Variants in ADCY5 observed in about 807,000 individuals in gnomAD.
ADCY5 encodes adenylate cyclase type 5.
A neutral mutation model predicts 119.7 loss-of-function variants in ADCY5; 30 were observed. That is an observed-to-expected ratio of 0.25 (90% CI 0.19 to 0.34). ADCY5 has a LOEUF of 0.34. Among genes scored for constraint, ADCY5 ranks in the 10% least tolerant of loss-of-function variants. The pLI, the probability that ADCY5 is intolerant of heterozygous loss-of-function variation, is 1.00. For synonymous variants in ADCY5, 753 were observed against 762.2 expected (o/e 0.99, Z 0.20); for missense variants, 1,324 against 1,775.2 (o/e 0.75, Z 4.57).
At chr3:123,364,935 C>CTTTT (rs376085783) in intron 1 of ADCY5, among the ~76,000 whole-genome samples, 1 of 137,146 alleles carries the variant, frequency 7.3e-6, no homozygotes, top group Non-Finnish European at 1.6e-5. Flanking sequence ...GTGTTTTTCA[C>CTTTT]TTTTTTTTTT....
At chr3:123,366,510 GC>G (rs1196118617) in intron 1 of ADCY5, among the ~76,000 whole-genome samples, 1 of 152,234 alleles carries the variant, frequency 6.6e-6, no homozygotes, top group Non-Finnish European at 1.5e-5. Context: ...GGGAAGGGGG[GC>G]TGGAGGTGAG....
intron 14 of ADCY5, 145 bp downstream of exon 14, chr3:123,302,910 T>A (rs1939926611): frequency 1.1e-6 from 1 of 900,290 alleles, no homozygotes; most frequent in African/African-American, 1.7e-5. Flanking sequence ...CATGTAGGAG[T>A]GAGAGATACT....
intron 3 of ADCY5, among the ~76,000 whole-genome samples, chr3:123,344,205 G>T (rs1942419768): frequency 6.6e-6 from 1 of 152,178 alleles, no homozygotes; most frequent in African/African-American, 2.4e-5. Flanking sequence ...CTGTGGAGTT[G>T]ATTTATTTTT....
At chr3:123,343,713 G>A (rs1052185572) in intron 3 of ADCY5, among the ~76,000 whole-genome samples, 1 of 152,264 alleles carries the variant, frequency 6.6e-6, no homozygotes, top group South Asian at 2.1e-4. Context: ...CCAGGTGTGG[G>A]GAGGGCACAG....
chr3:123,414,281 G>A (rs1041424841), intron 1 of ADCY5, among the ~76,000 whole-genome samples: 45 of 152,162 alleles, frequency 3.0e-4, no homozygotes, highest in African/African-American at 1.1e-3. Flanking sequence ...CCACACCCAC[G>A]CCCCACCTGC....
intron 13 of ADCY5, among the ~76,000 whole-genome samples, chr3:123,303,578 G>A (rs149394204): frequency 6.6e-5 from 10 of 152,108 alleles, no homozygotes; most frequent in African/African-American, 2.4e-4. Flanking sequence ...TTGAGAGGCC[G>A]AGGCCCGCGG....
intron 3 of ADCY5, among the ~76,000 whole-genome samples, chr3:123,339,516 G>T (rs1479815558): frequency 1.3e-5 from 2 of 152,192 alleles, no homozygotes; most frequent in African/African-American, 4.8e-5. Context: ...GAGCCTGCTG[G>T]ACACAGAATG....
At chr3:123,315,580 G>A (rs928170025) in intron 11 of ADCY5, among the ~76,000 whole-genome samples, 13 of 152,066 alleles carry the variant, frequency 8.5e-5, no homozygotes, top group Non-Finnish European at 1.8e-4. Context: ...AAACCAGATT[G>A]CTCTTTTTTT....
At chr3:123,324,179 C>G (rs919487661) in intron 8 of ADCY5, among the ~76,000 whole-genome samples, 2 of 152,134 alleles carry the variant, frequency 1.3e-5, no homozygotes, top group Non-Finnish European at 1.5e-5. Flanking sequence ...TTTCCTTAAG[C>G]TCGTATCATC....
chr3:123,309,189 C>T (rs990176604), intron 12 of ADCY5, among the ~76,000 whole-genome samples: 5 of 152,122 alleles, frequency 3.3e-5, no homozygotes, highest in Non-Finnish European at 7.4e-5. Flanking sequence ...GTCTGTGATG[C>T]GGGGCCAGGG....
intron 1 of ADCY5, among the ~76,000 whole-genome samples, chr3:123,413,244 G>A (rs1042834441): frequency 5.3e-5 from 8 of 152,204 alleles, no homozygotes; most frequent in Admixed American, 2.0e-4. Context: ...GGAGCTGAGC[G>A]TGCCTAAAAC....
chr3:123,334,095 G>A (rs1941910679), intron 3 of ADCY5, among the ~76,000 whole-genome samples: 1 of 152,070 alleles, frequency 6.6e-6, no homozygotes, highest in Admixed American at 6.6e-5. Flanking sequence ...AATCTGTAAG[G>A]GCCCCTGAAT....
chr3:123,331,715 A>G (rs1418875927), intron 4 of ADCY5, among the ~76,000 whole-genome samples: 1 of 151,908 alleles, frequency 6.6e-6, no homozygotes, highest in Non-Finnish European at 1.5e-5. Flanking sequence ...GCTCCCAAAG[A>G]TAGTTGAGAA....
chr3:123,407,575 G>C (rs1229002797), intron 1 of ADCY5, among the ~76,000 whole-genome samples: 1 of 126,172 alleles, frequency 7.9e-6, no homozygotes, highest in Non-Finnish European at 1.6e-5. Flanking sequence ...AACATAGTGA[G>C]ACCCTATCTC....
intron 1 of ADCY5, among the ~76,000 whole-genome samples, chr3:123,384,777 T>C (rs77119187): frequency 0.015 from 2,299 of 152,242 alleles, 53 homozygotes; most frequent in African/African-American, 0.052. Context: ...CCAAGTTTTC[T>C]AACTTGGGAA....
intron 1 of ADCY5, among the ~76,000 whole-genome samples, chr3:123,382,669 C>T (rs1944070536): frequency 6.6e-6 from 1 of 152,084 alleles, no homozygotes. Flanking sequence ...AAGCCAGACA[C>T]AAAAGGACAA....
chr3:123,336,547 G>A (rs1170359446), intron 3 of ADCY5, among the ~76,000 whole-genome samples: 2 of 152,190 alleles, frequency 1.3e-5, no homozygotes, highest in Admixed American at 1.3e-4. Flanking sequence ...GAAGGAAAAA[G>A]TCCCCTAATC....
Position 123,403,146 on chromosome 3 carries a change from G to A in ADCY5, c.1134+44266C>T, listed in dbSNP as rs550302179. On this transcript the variant is annotated intron_variant, in intron 1 of 20. Transcript: ENST00000462833. ...TGTACTCCCAGCATTTCGGGGGGCC[G>A]CGGCAGGCAGATCCCTTGAGCTCAA... Among the ~76,000 whole-genome samples, 21 of 152,198 alleles carry A rather than the reference G, an allele frequency of 1.4e-4. No individual in the cohort carries two copies. The South Asian group carries it at 2.9e-3, about 21-fold the overall frequency.
In ADCY5 at chr3:123,448,266, C is replaced by T; in HGVS notation, c.280G>A (p.Gly94Ser). 3 of 1,511,788 alleles carry T rather than the reference C, an allele frequency of 2.0e-6. No individual in the cohort carries two copies. The highest frequency in any genetic ancestry group is 2.0e-5 in the Admixed American group (1 of 48,790). The allele number at this position is 1,511,788 out of a possible 1,614,324, so 93.6% of individuals were successfully genotyped here. Reference sequence around the variant, plus strand: ...GCGGACTTGGAGCGGAAGCTGAAGCCGAAGCCCCCGGCCAGGGGGTCGTCA... The same window carrying T: ...GCGGACTTGGAGCGGAAGCTGAAGCTGAAGCCCCCGGCCAGGGGGTCGTCA... ...SGDDPLAGGF[G>S]FSFRSKSAWQ... The change falls in exon 1 of 21, where the codon GGC (glycine) becomes AGC (serine). Residue 94 changes from glycine to serine, a missense_variant. Physicochemically the swap from Gly to Ser is moderately conservative, Grantham distance 56 (BLOSUM62 0). Transcript: ENST00000462833.
Sources: gnomAD v4.1 joint callset for allele counts (sites outside exome capture counted in the v4.1 genomes callset) on GRCh38, gnomAD v4.1.1 for gene constraint, MANE v1.5 for transcripts, NCBI Gene and HGNC (gene_info 2026-07-23, HGNC 2026-07-21) for gene names.